Variants in CLNK observed in about 807,000 individuals in gnomAD.
CLNK encodes the protein cytokine-dependent hematopoietic cell linker.
CLNK carries 74 observed loss-of-function variants against 68.6 expected under a neutral mutation model. The observed-to-expected ratio is 1.08, with a 90% CI of 0.89 to 1.31. The LOEUF (loss-of-function observed/expected upper bound fraction) is 1.31. Among genes scored for constraint, CLNK ranks in the 50% most tolerant of loss-of-function variants. The pLI, the probability that CLNK is intolerant of heterozygous loss-of-function variation, is 0.00. For synonymous variants in CLNK, 198 were observed against 172.2 expected (o/e 1.15, Z -1.17); for missense variants, 553 against 515.3 (o/e 1.07, Z -0.71).
intron 15 of CLNK, among the ~76,000 whole-genome samples, chr4:10,518,960 A>G (rs1474796420): frequency 6.6e-6 from 1 of 152,206 alleles, no homozygotes. Context: ...GTATCGGTTC[A>G]GTAGCTGATG....
intron 3 of CLNK, among the ~76,000 whole-genome samples, chr4:10,596,048 A>G (rs1985450): frequency 0.7 from 105,782 of 152,060 alleles, 37,501 homozygotes; most frequent in East Asian, 0.77. Flanking sequence ...TTTTTGAGAC[A>G]GAGTTTCGCT....
intron 2 of CLNK, among the ~76,000 whole-genome samples, chr4:10,608,168 A>C (rs1721859213): frequency 6.6e-6 from 1 of 152,200 alleles, no homozygotes; most frequent in South Asian, 2.1e-4. Context: ...TCTCCTTGAC[A>C]CTAATCCCTT....
the CLNK span, among the ~76,000 whole-genome samples, chr4:10,710,342 C>G: frequency 6.6e-6 from 1 of 152,216 alleles, no homozygotes; most frequent in South Asian, 2.1e-4. Flanking sequence ...CCAACCAGCG[C>G]TGGGGTCCTT....
At position 10,532,288 on chromosome 4, in the gene CLNK, A is replaced by T. The variant is rs1479609444; in HGVS notation, c.603-5T>A. On this transcript the variant is annotated splice_polypyrimidine_tract_variant and splice_region_variant and intron_variant, in intron 11 of 18. Transcript: ENST00000226951. The stretch of plus-strand genomic sequence containing the variant: ...AAGTCCCTTAAGCTTATCTGACTGC[A>T]AGAAAAAGAAATACGGTGTTACATA... 6 of 1,607,384 alleles carry T rather than the reference A, an allele frequency of 3.7e-6. No individual in the cohort carries two copies. The highest frequency in any genetic ancestry group is 5.1e-6 in the Non-Finnish European group (6 of 1,175,042).
At position 10,540,578 on chromosome 4, in the gene CLNK, T is replaced by C. The variant is rs1457628981; in HGVS notation, c.518A>G (p.Tyr173Cys). 6.2e-7 allele frequency: 1 copy of C among 1,613,854 alleles called. No individual in the cohort carries two copies. Residue 173 changes from tyrosine to cysteine, a missense_variant, in exon 11 of 19, where the codon TAC (tyrosine) becomes TGC (cysteine). Coordinates refer to ENST00000226951, the MANE Select transcript of CLNK (RefSeq NM_052964.4). ...PRPLITLPKKYQPLPPEPESS... is the reference protein window; with the variant it reads ...PRPLITLPKKCQPLPPEPESS... ...CTCCGGCTCAGGGGGCAAGGGTTGGTACTTCTTCGGAAGTGTTATGAGAGG... is the reference window on the plus strand; with the variant it reads ...CTCCGGCTCAGGGGGCAAGGGTTGGCACTTCTTCGGAAGTGTTATGAGAGG...
chr4:10,615,793 C>A (rs1412369600), intron 2 of CLNK, among the ~76,000 whole-genome samples: 1 of 152,138 alleles, frequency 6.6e-6, no homozygotes, highest in Non-Finnish European at 1.5e-5. Flanking sequence ...AAAGATTTTT[C>A]CAAGGTCAAC....
intron 2 of CLNK, among the ~76,000 whole-genome samples, chr4:10,630,393 C>G (rs1390587937): frequency 6.6e-6 from 1 of 152,246 alleles, no homozygotes; most frequent in African/African-American, 2.4e-5. Context: ...CTGGCCCAGG[C>G]TCTCACAGGC....
chr4:10,553,520 T>G (rs1719545425), intron 8 of CLNK, among the ~76,000 whole-genome samples: 1 of 152,014 alleles, frequency 6.6e-6, no homozygotes, highest in Admixed American at 6.6e-5. Context: ...GGCGCAATCT[T>G]GGCTCGCTGC....
chr4:10,718,461 T>A, the CLNK span, among the ~76,000 whole-genome samples: 7 of 150,048 alleles, frequency 4.7e-5, no homozygotes, highest in African/African-American at 1.7e-4. Flanking sequence ...TCGGAAACCA[T>A]AGAGACCAGA....
At chr4:10,556,904 C>T (rs1054354429) in intron 8 of CLNK, among the ~76,000 whole-genome samples, 3 of 151,642 alleles carry the variant, frequency 2.0e-5, no homozygotes, top group Non-Finnish European at 1.5e-5. Flanking sequence ...GGTGAAACCC[C>T]GTCTCTACTA....
chr4:10,602,810 CA>C, intron 2 of CLNK, among the ~76,000 whole-genome samples: 1 of 152,162 alleles, frequency 6.6e-6, no homozygotes, highest in Non-Finnish European at 1.5e-5. Context: ...AAAATGTACA[CA>C]TGGTCTAGAA....
In CLNK at chr4:10,565,935, G is replaced by A. The variant is rs894587270; in HGVS notation, c.292+74C>T. 2.6e-5 allele frequency: 39 copies of A among 1,492,634 alleles called. 1 individual carries two copies. In the East Asian group the frequency reaches 2.7e-4, roughly 10 times the overall value. The allele number at this position is 1,492,634 out of a possible 1,614,324, so 92.5% of individuals were successfully genotyped here. The stretch of plus-strand genomic sequence containing the variant: ...CCTAGGGTTGTTTAATTCAGAAACC[G>A]CACCTTTAAATAGTGTGCAATATGG... On this transcript the variant is annotated intron_variant, in intron 6 of 18. Transcript: ENST00000226951.
At chr4:10,540,190 G>A (rs139865683) in intron 11 of CLNK, among the ~76,000 whole-genome samples, 3 of 152,254 alleles carry the variant, frequency 2.0e-5, no homozygotes, top group African/African-American at 7.2e-5. Context: ...GTTTTATACA[G>A]GGCTCTTCGC....
At chr4:10,663,669 T>C (rs1724280679) in intron 2 of CLNK, among the ~76,000 whole-genome samples, 1 of 152,210 alleles carries the variant, frequency 6.6e-6, no homozygotes, top group African/African-American at 2.4e-5. Flanking sequence ...TTCTATATCA[T>C]CCATTCATTT....
chr4:10,566,218 C>T (rs1720107881), intron 5 of CLNK, 68 bp from the exon 6 acceptor site: 3 of 1,514,362 alleles, frequency 2.0e-6, no homozygotes, highest in Non-Finnish European at 2.7e-6. Context: ...GGCTACAGTG[C>T]TGGCTAGAGA....
intron 3 of CLNK, among the ~76,000 whole-genome samples, chr4:10,587,447 A>T (rs1170121608): frequency 6.6e-6 from 1 of 152,194 alleles, no homozygotes. Context: ...AGGCCTCTGC[A>T]TTACACCTTT....
At chr4:10,648,272 C>A (rs1356490718) in intron 2 of CLNK, among the ~76,000 whole-genome samples, 3 of 152,128 alleles carry the variant, frequency 2.0e-5, no homozygotes, top group African/African-American at 4.8e-5. Context: ...ATTATTATCT[C>A]TTTTATGTAA....
At chr4:10,498,224 G>T (rs1054654130) in intron 18 of CLNK, among the ~76,000 whole-genome samples, 1 of 152,102 alleles carries the variant, frequency 6.6e-6, no homozygotes, top group Non-Finnish European at 1.5e-5. Flanking sequence ...GGGTGCTGTG[G>T]CTCACGCCTG....
the CLNK span, among the ~76,000 whole-genome samples, chr4:10,710,116 G>T: frequency 1.3e-5 from 2 of 152,176 alleles, no homozygotes; most frequent in Non-Finnish European, 2.9e-5. Flanking sequence ...GGGAAAGGGG[G>T]TTCTGTTAAT....
Sources: allele counts gnomAD v4.1 joint callset (sites outside exome capture counted in the v4.1 genomes callset), GRCh38; gene constraint gnomAD v4.1.1; transcripts MANE v1.5; gene names NCBI Gene and HGNC (gene_info 2026-07-23, HGNC 2026-07-21).